TBC1D22A: variants seen among roughly 807,000 people sequenced by gnomAD.
TBC1D22A encodes the protein putative GTPase activator.
A neutral mutation model predicts 60.2 loss-of-function variants in TBC1D22A; 38 were observed. That is an observed-to-expected ratio of 0.63 (90% CI 0.49 to 0.83). The LOEUF (loss-of-function observed/expected upper bound fraction) is 0.83, where lower values mean the gene tolerates loss of function less well. Ranked by LOEUF, TBC1D22A falls within the 40% of genes least tolerant of loss-of-function variation. The pLI is 0.00. For missense variants in TBC1D22A, 628 were observed against 701.0 expected, an observed-to-expected ratio of 0.90 and a Z score of 1.18; for synonymous variants, 302 against 281.7, an observed-to-expected ratio of 1.07 and a Z score of -0.72.
At chr22:46,963,953 A>C (rs1298129320) in intron 8 of TBC1D22A, among the ~76,000 whole-genome samples, 1 of 152,236 alleles carries the variant, frequency 6.6e-6, no homozygotes, top group African/African-American at 2.4e-5. Flanking sequence ...TGGGTCCAGC[A>C]GGAGCGATGC....
chr22:46,981,732 T>G (rs2148165071), intron 9 of TBC1D22A, among the ~76,000 whole-genome samples: 1 of 152,320 alleles, frequency 6.6e-6, no homozygotes, highest in Admixed American at 6.5e-5. Context: ...TGTGAGTCAG[T>G]TAAACCTCTT....
chr22:47,120,629 C>G (rs2066238041), intron 12 of TBC1D22A, among the ~76,000 whole-genome samples: 1 of 152,212 alleles, frequency 6.6e-6, no homozygotes, highest in Non-Finnish European at 1.5e-5. Context: ...GTCAGAGACC[C>G]TTTGCCTACG....
intron 12 of TBC1D22A, among the ~76,000 whole-genome samples, chr22:47,145,457 C>T (rs2067254016): frequency 6.6e-6 from 1 of 152,192 alleles, no homozygotes; most frequent in Non-Finnish European, 1.5e-5. Flanking sequence ...TGGTGACAAC[C>T]AGAAATGCCC....
intron 1 of TBC1D22A, among the ~76,000 whole-genome samples, chr22:46,768,598 C>T (rs981448070): frequency 2.6e-5 from 4 of 152,070 alleles, no homozygotes; most frequent in Admixed American, 1.3e-4. Context: ...TGTTGCTTTC[C>T]GCAGTTGCAG....
chr22:46,946,345 G>A (rs932400124), intron 8 of TBC1D22A, among the ~76,000 whole-genome samples: 4 of 152,220 alleles, frequency 2.6e-5, no homozygotes, highest in Non-Finnish European at 5.9e-5. Context: ...GGCTGTAAGA[G>A]GTTGCAGGAG....
chr22:46,827,256 C>G (rs962078245), intron 4 of TBC1D22A, among the ~76,000 whole-genome samples: 2 of 152,200 alleles, frequency 1.3e-5, no homozygotes, highest in Admixed American at 1.3e-4. Context: ...GCCGTCACCA[C>G]GCGATGGTGT....
At chr22:46,776,818 G>A (rs750527300) in intron 1 of TBC1D22A, among the ~76,000 whole-genome samples, 4 of 152,162 alleles carry the variant, frequency 2.6e-5, no homozygotes, top group Non-Finnish European at 5.9e-5. Context: ...GAGGGGATGT[G>A]TGAGCCGAGA....
intron 8 of TBC1D22A, among the ~76,000 whole-genome samples, chr22:46,966,553 C>T (rs1374466142): frequency 1.3e-5 from 2 of 152,326 alleles, no homozygotes; most frequent in African/African-American, 4.8e-5. Flanking sequence ...CTCCTACTCA[C>T]AGCATTATTG....
chr22:46,939,991 T>G (rs942629317), intron 8 of TBC1D22A, among the ~76,000 whole-genome samples: 1 of 152,204 alleles, frequency 6.6e-6, no homozygotes, highest in African/African-American at 2.4e-5. Flanking sequence ...ACAGGCATAC[T>G]TTGGAAATAT....
chr22:47,027,788 T>C (rs985197350), intron 10 of TBC1D22A, among the ~76,000 whole-genome samples: 1 of 152,202 alleles, frequency 6.6e-6, no homozygotes. Flanking sequence ...ATACTATTAA[T>C]ATAATAAAAA....
At chr22:47,003,810 C>T (rs2061485086) in intron 10 of TBC1D22A, among the ~76,000 whole-genome samples, 4 of 90,698 alleles carry the variant, frequency 4.4e-5, no homozygotes, top group Admixed American at 1.2e-4. Context: ...TGTACACACC[C>T]TACGCACACA....
chr22:47,063,464 G>A (rs953570252), intron 11 of TBC1D22A, among the ~76,000 whole-genome samples: 9 of 152,164 alleles, frequency 5.9e-5, no homozygotes, highest in Admixed American at 1.3e-4. Context: ...AGAGACCGGC[G>A]GGGGTGTGCA....
chr22:47,048,981 G>A (rs1436426475), intron 11 of TBC1D22A, among the ~76,000 whole-genome samples: 1 of 152,228 alleles, frequency 6.6e-6, no homozygotes, highest in African/African-American at 2.4e-5. Context: ...AAAAGGAAAC[G>A]TTAACCTGAG....
intron 12 of TBC1D22A, among the ~76,000 whole-genome samples, chr22:47,136,337 C>T (rs926369471): frequency 1.3e-5 from 2 of 152,232 alleles, no homozygotes; most frequent in Non-Finnish European, 2.9e-5. Context: ...AGCCGGTCTC[C>T]CCCCAACCTC....
intron 1 of TBC1D22A, among the ~76,000 whole-genome samples, chr22:46,775,212 G>T (rs1405486978): frequency 6.6e-6 from 1 of 152,198 alleles, no homozygotes; most frequent in African/African-American, 2.4e-5. Flanking sequence ...CAGCTCCTCC[G>T]CGAGGGCTTG....
chr22:46,972,935 T>C (rs2074130996), intron 8 of TBC1D22A, among the ~76,000 whole-genome samples: 1 of 152,200 alleles, frequency 6.6e-6, no homozygotes, highest in African/African-American at 2.4e-5. Flanking sequence ...ATGTTGGATG[T>C]GTCCAGGGCT....
intron 11 of TBC1D22A, among the ~76,000 whole-genome samples, chr22:47,052,025 G>A (rs568649669): frequency 6.6e-6 from 1 of 152,224 alleles, no homozygotes; most frequent in South Asian, 2.1e-4. Context: ...GAGCGGGCGG[G>A]ATGCCTCCTC....
chr22:47,016,973 C>G (rs80337910), intron 10 of TBC1D22A, among the ~76,000 whole-genome samples: 3,726 of 152,340 alleles, frequency 0.024, 124 homozygotes, highest in African/African-American at 0.075. Context: ...TTTTGTCTGA[C>G]GCGCTCAGGC....
At chr22:46,959,279 G>C (rs73482657) in intron 8 of TBC1D22A, among the ~76,000 whole-genome samples, 5,266 of 152,310 alleles carry the variant, frequency 0.035, 248 homozygotes, top group African/African-American at 0.11. Context: ...GGTGGCACAA[G>C]AGAAGGACAC....
Sources: gnomAD v4.1 joint callset for allele counts (sites outside exome capture counted in the v4.1 genomes callset) on GRCh38, gnomAD v4.1.1 for gene constraint, MANE v1.5 for transcripts, NCBI Gene and HGNC (gene_info 2026-07-23, HGNC 2026-07-21) for gene names.